The following TSNARE1 variants were observed in gnomAD, a reference collection of about 807,000 sequenced individuals.
The protein encoded by TSNARE1 is t-SNARE domain-containing protein 1.
A neutral mutation model predicts 62.0 loss-of-function variants in TSNARE1; 49 were observed. That is an observed-to-expected ratio of 0.79 (90% CI 0.63 to 1.00). The LOEUF is 1.00. Among genes scored for constraint, TSNARE1 ranks in the 50% least tolerant of loss-of-function variants. TSNARE1 has a pLI of 0.00. For synonymous variants in TSNARE1, 328 were observed against 294.4 expected (o/e 1.11, Z -1.17); for missense variants, 755 against 700.1 (o/e 1.08, Z -0.88).
At chr8:142,271,104 C>T (rs1323107657) in intron 12 of TSNARE1, 1 of 985,920 alleles carries the variant, frequency 1.0e-6, no homozygotes, top group Non-Finnish European at 1.2e-6. Flanking sequence ...TCCTCCTCCA[C>T]CTTCAAGATC....
At chr8:142,274,717 A>T (rs1820154537) in intron 12 of TSNARE1, 64 bp downstream of exon 12, 1 of 1,420,250 alleles carries the variant, frequency 7.0e-7, no homozygotes, top group East Asian at 2.8e-5. Context: ...AGACGGAGGG[A>T]GGGTTGGAGG....
At chr8:142,346,043 T>C in intron 2 of TSNARE1, 151 bp from the exon 3 acceptor site, 1 of 846,470 alleles carries the variant, frequency 1.2e-6, no homozygotes, top group Non-Finnish European at 1.8e-6. Flanking sequence ...TGCTATATCC[T>C]CTGGATCATC....
intron 4 of TSNARE1, among the ~76,000 whole-genome samples, chr8:142,337,831 G>A (rs377201897): frequency 5.9e-5 from 9 of 152,154 alleles, no homozygotes; most frequent in Non-Finnish European, 1.0e-4. Context: ...CATATCCCAC[G>A]GCTGCCGCTG....
chr8:142,229,557 C>A lies in TSNARE1; in HGVS notation c.1469G>T (p.Cys490Phe). The A allele has an allele frequency of 6.2e-7, 1 of 1,613,972 alleles. No individual in the cohort carries two copies. Among genetic ancestry groups the A allele is most frequent in the Non-Finnish European group, 8.5e-7 (1 of 1,179,998 alleles). The change falls in exon 13 of 14, where the codon TGC (cysteine) becomes TTC (phenylalanine). Residue 490 changes from cysteine (C) to phenylalanine (F), a missense_variant. Coordinates refer to ENST00000524325, the MANE Select transcript of TSNARE1 (RefSeq NM_145003.5). ...AGTGACTCCAGCTGATAGGAAGCAGCACTTGATCTTGTGTCTCTGGAGCTG... is the reference window on the plus strand; with the variant it reads ...AGTGACTCCAGCTGATAGGAAGCAGAACTTGATCTTGTGTCTCTGGAGCTG... ...RHQLQRHKIK[C>F]CFLSAGVTAL...
intron 10 of TSNARE1, among the ~76,000 whole-genome samples, chr8:142,293,131 C>T (rs539465519): frequency 6.6e-6 from 1 of 152,310 alleles, no homozygotes; most frequent in African/African-American, 2.4e-5. Context: ...CTCGAGCAGC[C>T]GCACCGCAGG....
intron 4 of TSNARE1, among the ~76,000 whole-genome samples, chr8:142,340,677 TG>T (rs1443526086): frequency 6.6e-6 from 1 of 152,156 alleles, no homozygotes; most frequent in Non-Finnish European, 1.5e-5. Flanking sequence ...CAGGGCCTGG[TG>T]GGTTTGTTCC....
chr8:142,357,799 C>T (rs560919965), intron 1 of TSNARE1, among the ~76,000 whole-genome samples: 1 of 152,272 alleles, frequency 6.6e-6, no homozygotes, highest in African/African-American at 2.4e-5. Context: ...AGAGAACTCC[C>T]AGGGAGAGAA....
Position 142,399,197 on chromosome 8 carries a change from A to G in TSNARE1, c.-40+3907T>C, listed in dbSNP as rs11773946. On this transcript the variant is annotated intron_variant, in intron 1 of 13. Coordinates refer to ENST00000524325, the MANE Select transcript of TSNARE1 (RefSeq NM_145003.5). ...TCTCTGCCAGGGAACTCAGACCAAG[A>G]AAACTCTTCCTATGGAAGCTTCCAG... is the stretch of plus-strand genomic sequence containing the variant. Among the ~76,000 whole-genome samples the G allele has an allele frequency of 2.8e-3, 428 of 152,350 alleles. 1 individual carries two copies. Among genetic ancestry groups the G allele is most frequent in the Non-Finnish European group, 5.3e-3 (358 of 68,030 alleles).
rs1278895763 is a variant in TSNARE1, at chr8:142,319,791, C to T, written c.894-1157G>A. Among the ~76,000 whole-genome samples the T allele has an allele frequency of 2.6e-5, 4 of 152,086 alleles. No individual in the cohort carries two copies. The highest frequency in any genetic ancestry group is 2.9e-5 in the Non-Finnish European group (2 of 67,992). On this transcript the variant is annotated intron_variant, in intron 6 of 13. Transcript: ENST00000524325. The surrounding 1 kb of genome is among the most constrained non-coding windows in gnomAD (Gnocchi z 4.9). ...TGTGGCACACAGAGGAGTAAGACTG[C>T]CCCCCCAGAACAGGCACCCAGCAGG...
At chr8:142,233,719 T>G (rs7465167) in intron 12 of TSNARE1, among the ~76,000 whole-genome samples, 86,564 of 152,054 alleles carry the variant, frequency 0.57, 26,769 homozygotes, top group African/African-American at 0.81. Context: ...GTTATGGTTT[T>G]GGAAGGCGGC....
intron 1 of TSNARE1, among the ~76,000 whole-genome samples, chr8:142,360,651 C>T (rs917925710): frequency 1.2e-4 from 18 of 152,108 alleles, no homozygotes; most frequent in Admixed American, 9.8e-4. Context: ...TGAAGGGAGC[C>T]GTCTGTCCTT....
chr8:142,250,540 G>A (rs1378547155), intron 12 of TSNARE1, among the ~76,000 whole-genome samples: 1 of 152,234 alleles, frequency 6.6e-6, no homozygotes, highest in Non-Finnish European at 1.5e-5. Context: ...GCAGGTTCCA[G>A]GCCCGATCGC....
intron 12 of TSNARE1, among the ~76,000 whole-genome samples, chr8:142,257,336 G>C (rs1053838364): frequency 1.3e-5 from 2 of 152,168 alleles, no homozygotes; most frequent in Admixed American, 6.5e-5. Context: ...CTCAGGAGGG[G>C]CCTGCGGAGG....
At chr8:142,258,622 C>T (rs1239543703) in intron 12 of TSNARE1, among the ~76,000 whole-genome samples, 5 of 152,010 alleles carry the variant, frequency 3.3e-5, no homozygotes, top group African/African-American at 4.8e-5. Flanking sequence ...GCTGGGATCA[C>T]GGGCATGTAC....
chr8:142,343,765 G>GGGAGAAGAGGA (rs1832915770), intron 4 of TSNARE1, among the ~76,000 whole-genome samples: 1 of 131,090 alleles, frequency 7.6e-6, no homozygotes, highest in Non-Finnish European at 1.6e-5. Context: ...GGGGGAGGAG[G>GGGAGAAGAGGA]GGAGAAGAGG....
At chr8:142,278,598 G>A (rs1820885934) in intron 11 of TSNARE1, 1 of 985,374 alleles carries the variant, frequency 1.0e-6, no homozygotes, top group South Asian at 4.7e-5. Context: ...GAGGCGGCAG[G>A]AGGAAGCACG....
chr8:142,240,190 T>C (rs1817614717), intron 12 of TSNARE1, among the ~76,000 whole-genome samples: 1 of 152,188 alleles, frequency 6.6e-6, no homozygotes, highest in Admixed American at 6.5e-5. Flanking sequence ...AAAAGAAAGC[T>C]GGGATAGTCC....
chr8:142,309,662 T>G (rs982488737), intron 9 of TSNARE1, among the ~76,000 whole-genome samples: 1 of 152,208 alleles, frequency 6.6e-6, no homozygotes, highest in Non-Finnish European at 1.5e-5. Flanking sequence ...TTACTAATAT[T>G]TAGGACTTTT....
At chr8:142,213,904 T>A (rs1333650081) in intron 13 of TSNARE1, among the ~76,000 whole-genome samples, 1 of 152,102 alleles carries the variant, frequency 6.6e-6, no homozygotes, top group African/African-American at 2.4e-5. Flanking sequence ...AGCCCTGGCC[T>A]TTCCAGGATT....
Sources: allele counts gnomAD v4.1 joint callset (sites outside exome capture counted in the v4.1 genomes callset), GRCh38; gene constraint gnomAD v4.1.1; non-coding constraint Gnocchi (gnomAD v3.1); transcripts MANE v1.5; gene names NCBI Gene and HGNC (gene_info 2026-07-23, HGNC 2026-07-21).